PHC2: variants seen among roughly 807,000 people sequenced by gnomAD.
The protein encoded by PHC2 is polyhomeotic-like protein 2.
PHC2 carries 29 observed loss-of-function variants against 87.4 expected under a neutral mutation model. The observed-to-expected ratio is 0.33, with a 90% CI of 0.25 to 0.45. The LOEUF is 0.45. Ranked by LOEUF, PHC2 falls within the 20% of genes least tolerant of loss-of-function variation. PHC2 has a pLI of 1.00. For missense variants in PHC2, 857 were observed against 1,136.7 expected, an observed-to-expected ratio of 0.75 and a Z score of 3.54; for synonymous variants, 438 against 461.7, an observed-to-expected ratio of 0.95 and a Z score of 0.66.
chr1:33,328,378 ATT>A (rs10631917), intron 14 of PHC2, among the ~76,000 whole-genome samples: 1 of 133,672 alleles, frequency 7.5e-6, no homozygotes, highest in Admixed American at 7.6e-5. Context: ...TCTTAATTAA[ATT>A]TTTTTTTTTT....
chr1:33,367,030 T>G, intron 7 of PHC2, 86 bp downstream of exon 7: 3 of 1,195,596 alleles, frequency 2.5e-6, no homozygotes, highest in Non-Finnish European at 3.6e-6. Flanking sequence ...TGCAAATCCA[T>G]GGGAAAAAGG....
At position 33,349,924 on chromosome 1, in the gene PHC2, GC is replaced by G; in HGVS notation, c.1558+4476del. 1.1e-6 allele frequency: 1 copy of G among 916,718 alleles called. No homozygotes were observed. Among genetic ancestry groups the G allele is most frequent in the Non-Finnish European group, 1.3e-6 (1 of 770,392 alleles). The allele number at this position is 916,718 out of a possible 1,614,324, so 56.8% of individuals were successfully genotyped here. A position where few individuals can be genotyped will look rare whatever the true frequency, so the allele number is the denominator to read the frequency against. On this transcript the variant is annotated intron_variant, in intron 9 of 14. Coordinates refer to ENST00000683057, the MANE Select transcript of PHC2 (RefSeq NM_001385109.1). This position sits in a 1 kb window ranked among gnomAD's most constrained non-coding sequence, Gnocchi z 4.2. ...CGGCGAGTCTGGGACGGCTCCCGCG[GC>G]CGCCTCCGCCGGGGGCGGGGCGAGG...
chr1:33,383,481 CCTTA>C (rs1425807805), intron 1 of PHC2, among the ~76,000 whole-genome samples: 2 of 152,278 alleles, frequency 1.3e-5, no homozygotes, highest in Admixed American at 6.5e-5. Flanking sequence ...CTTTCTGAAA[CCTTA>C]CTGTTTTCTT....
At chr1:33,413,690 G>T (rs1424767945) in intron 1 of PHC2, among the ~76,000 whole-genome samples, 1 of 152,216 alleles carries the variant, frequency 6.6e-6, no homozygotes, top group Non-Finnish European at 1.5e-5. Context: ...GCAGCAGGTG[G>T]TATGGTATTG....
rs1361025411 is a variant in PHC2, at chr1:33,332,639, G to A, written c.1762-235C>T. 8 of 523,490 alleles carry A rather than the reference G, an allele frequency of 1.5e-5. No homozygotes were observed. Among genetic ancestry groups the A allele is most frequent in the African/African-American group, 9.6e-5 (5 of 52,156 alleles). The allele number at this position is 523,490 out of a possible 1,614,324, so 32.4% of individuals were successfully genotyped here. A position where few individuals can be genotyped will look rare whatever the true frequency, so the allele number is the denominator to read the frequency against. On this transcript the variant is annotated intron_variant, in intron 10 of 14. Coordinates refer to ENST00000683057, the MANE Select transcript of PHC2 (RefSeq NM_001385109.1). This position sits in a 1 kb window ranked among gnomAD's most constrained non-coding sequence, Gnocchi z 4.2. ...GGGATGGCTTCTGTCCAGGACCAAC[G>A]GATGGCTCAGGAGATTAGGAAAATG...
At chr1:33,385,798 A>T (rs1047240449) in intron 1 of PHC2, among the ~76,000 whole-genome samples, 2 of 149,864 alleles carry the variant, frequency 1.3e-5, no homozygotes, top group Admixed American at 6.6e-5. Context: ...ACAGAATAAA[A>T]ATTTTTTTTT....
At chr1:33,374,914 C>T (rs1291477272) in intron 2 of PHC2, among the ~76,000 whole-genome samples, 1 of 152,204 alleles carries the variant, frequency 6.6e-6, no homozygotes. Flanking sequence ...CATTTAGGAG[C>T]AGTGAGCCGC....
At chr1:33,327,977 T>C (rs958861747) in intron 14 of PHC2, among the ~76,000 whole-genome samples, 1 of 152,218 alleles carries the variant, frequency 6.6e-6, no homozygotes, top group African/African-American at 2.4e-5. Flanking sequence ...AGAGATAACA[T>C]ACTAGGTTAA....
chr1:33,430,936 G>A (rs1052978042), intron 1 of PHC2, 40 bp downstream of exon 1: 2 of 151,244 alleles, frequency 1.3e-5, no homozygotes, highest in African/African-American at 4.8e-5. Flanking sequence ...CTGCCCGTCA[G>A]CCGCGAGCTG....
intron 1 of PHC2, among the ~76,000 whole-genome samples, chr1:33,406,120 T>C (rs1649752122): frequency 1.3e-5 from 2 of 152,186 alleles, no homozygotes; most frequent in South Asian, 4.1e-4. Context: ...AATGAATTTG[T>C]CTTTTTCCTT....
chr1:33,330,085 C>T lies in PHC2; in HGVS notation c.2134G>A (p.Asp712Asn). The change falls in exon 13 of 15, where the codon GAT becomes AAT. Residue 712 changes from aspartate to asparagine, a missense_variant. Around this residue, in one of 3 missense-constraint regions of PHC2, gnomAD observed 832 missense variants for 1,081.8 expected, o/e 0.77. Coordinates refer to ENST00000683057, the MANE Select transcript of PHC2 (RefSeq NM_001385109.1). ...CCGCCTCTTACCTGCTTCTTGGTAT[C>T]CTTGGTAAGTGGTGGCAGACTGGCT... ...SKASLPPLTK[D>N]TKKQPTGTVP... 1 of 1,613,954 alleles carries T rather than the reference C, an allele frequency of 6.2e-7. No homozygotes were observed. The highest frequency in any genetic ancestry group is 8.5e-7 in the Non-Finnish European group (1 of 1,179,978).
Position 33,332,207 on chromosome 1 carries a change from G to T in PHC2, c.1891+68C>A, listed in dbSNP as rs571879967. On this transcript the variant is annotated intron_variant, in intron 11 of 14. Transcript: ENST00000683057. This position sits in a 1 kb window ranked among gnomAD's most constrained non-coding sequence, Gnocchi z 4.2. ...GGTTCCTCTGGGGAAACAGAGAGAGGAAGTGTGTGAGGCCTGCCTTTCCAG... is the reference window on the plus strand; with the variant it reads ...GGTTCCTCTGGGGAAACAGAGAGAGTAAGTGTGTGAGGCCTGCCTTTCCAG... 5.3e-4 allele frequency: 843 copies of T among 1,580,804 alleles called. No individual in the cohort carries two copies. Among genetic ancestry groups the T allele is most frequent in the Non-Finnish European group, 5.8e-4 (671 of 1,150,692 alleles).
Position 33,332,393 on chromosome 1 carries a change from C to T in PHC2, c.1773G>A (p.Ser591=), listed in dbSNP as rs201839410. The change falls in exon 11 of 15, where the codon TCG becomes TCA. Residue 591 remains serine (S), a synonymous_variant. Coordinates refer to ENST00000683057, the MANE Select transcript of PHC2 (RefSeq NM_001385109.1). The surrounding 1 kb of genome is among the most constrained non-coding windows in gnomAD (Gnocchi z 4.2). The part of the protein sequence containing the change: ...EGAEPFPVGR[S]SLLVGNLKKK... The stretch of plus-strand genomic sequence containing the variant: ...TCTTGAGATTCCCCACCAGCAGGGA[C>T]GAGCGTCCCACCTAGAGGACAGGTA... The T allele has an allele frequency of 2.1e-5, 34 of 1,614,014 alleles. No homozygotes were observed. The highest frequency in any genetic ancestry group is 5.5e-5 in the South Asian group (5 of 91,084).
chr1:33,400,460 T>TA (rs1553189361), intron 1 of PHC2, among the ~76,000 whole-genome samples: 9 of 152,378 alleles, frequency 5.9e-5, no homozygotes, highest in African/African-American at 2.2e-4. Flanking sequence ...TAACATTTAT[T>TA]AAGCACTTAC....
At chr1:33,329,774 G>T (rs1303950116) in intron 13 of PHC2, among the ~76,000 whole-genome samples, 1 of 152,202 alleles carries the variant, frequency 6.6e-6, no homozygotes, top group African/African-American at 2.4e-5. Context: ...TACCTGAGCA[G>T]CCCAGGGGAG....
In PHC2 at chr1:33,372,348, CCG is replaced by C; in HGVS notation, c.272_273del (p.Ala91GlyfsTer27). 6.2e-7 allele frequency: 1 copy of C among 1,604,762 alleles called. No homozygotes were observed. The highest frequency in any genetic ancestry group is 8.5e-7 in the Non-Finnish European group (1 of 1,174,700). On this transcript the variant is annotated frameshift_variant, in exon 3 of 15. Transcript: ENST00000683057. LOFTEE classifies it high-confidence loss of function. Reference protein sequence around the residue: ...AQQQHLMLQTAALQQQHLSSA... With the variant: ...AQQQHLMLQTXALQQQHLSSA... ...CTGCTGAGGTGCTGCTGCTGGAGCGCCGCGGTCTGCAGCATGAGGTGCTGCTG... is the reference window on the plus strand; with the variant it reads ...CTGCTGAGGTGCTGCTGCTGGAGCGCCGGTCTGCAGCATGAGGTGCTGCTG...
At chr1:33,402,841 T>C (rs1157068023) in intron 1 of PHC2, among the ~76,000 whole-genome samples, 2 of 151,974 alleles carry the variant, frequency 1.3e-5, no homozygotes, top group African/African-American at 4.8e-5. Context: ...AACTCTTTTT[T>C]TTGAGATGGA....
rs1490323755 is a variant in PHC2, at chr1:33,368,642, G to A, written c.577-20C>T. ...GATGAGCTGAGGGGACAAAGGAACA[G>A]TGCCGCCTAGGCTCCTAGCTACCTG... On this transcript the variant is annotated intron_variant, in intron 5 of 14. Transcript: ENST00000683057. The surrounding 1 kb of genome is among the most constrained non-coding windows in gnomAD (Gnocchi z 6.6). 2.0e-6 allele frequency: 3 copies of A among 1,528,346 alleles called. No individual in the cohort carries two copies. Among genetic ancestry groups the A allele is most frequent in the Non-Finnish European group, 2.7e-6 (3 of 1,125,846 alleles). 94.7% of individuals were successfully genotyped at this position (1,528,346 alleles called of 1,614,324 possible).
At position 33,356,277 on chromosome 1, in the gene PHC2, G is replaced by GTATATATA. The variant is rs1233308932; in HGVS notation, c.977-1032_977-1025dup. 7.6e-4 allele frequency among the ~76,000 whole-genome samples: 53 copies of GTATATATA among 70,146 alleles called. 1 individual carries two copies. The highest frequency in any genetic ancestry group is 2.3e-3 in the African/African-American group (48 of 21,044). 46.0% of individuals were successfully genotyped at this position (70,146 alleles called of 152,430 possible). On this transcript the variant is annotated intron_variant, in intron 7 of 14. Coordinates refer to ENST00000683057, the MANE Select transcript of PHC2 (RefSeq NM_001385109.1). ...TATATATATATATATATATATATAT[G>GTATATATA]TATATATATATATATATTTATTTAT...
Sources: gnomAD v4.1 joint callset for allele counts (sites outside exome capture counted in the v4.1 genomes callset) on GRCh38, gnomAD v4.1.1 for gene constraint, gnomAD v4.1.1 regional missense constraint, Gnocchi (gnomAD v3.1) non-coding constraint, MANE v1.5 for transcripts, NCBI Gene and HGNC (gene_info 2026-07-23, HGNC 2026-07-21) for gene names.